Variants in MGAM2 observed in about 807,000 individuals in gnomAD.
MGAM2 encodes probable maltase-glucoamylase 2.
A neutral mutation model predicts 96.1 loss-of-function variants in MGAM2; 98 were observed. The ratio of observed to expected loss-of-function variants is 1.02; its 90% CI spans 0.87 to 1.21. The LOEUF (loss-of-function observed/expected upper bound fraction) is 1.21. Among genes scored for constraint, MGAM2 ranks in the 50% most tolerant of loss-of-function variants. The probability of loss-of-function intolerance (pLI) is 0.00; values close to 1 mark genes in which losing one functional copy is unlikely to be tolerated. For synonymous variants in MGAM2, 749 were observed against 414.8 expected (o/e 1.81, Z -9.79); for missense variants, 2,055 against 1,182.4 (o/e 1.74, Z -10.82).
intron 1 of MGAM2, among the ~76,000 whole-genome samples, chr7:142,115,200 G>A (rs764233183): frequency 4.6e-5 from 7 of 152,116 alleles, no homozygotes; most frequent in African/African-American, 7.2e-5. Context: ...GTGACACTCC[G>A]TCTGCAAAAA....
At chr7:142,201,071 C>CTTTTTTTCTTTTTTTTTT (rs1797209807) in intron 45 of MGAM2, among the ~76,000 whole-genome samples, 1 of 84,382 alleles carries the variant, frequency 1.2e-5, no homozygotes, top group African/African-American at 5.3e-5. Flanking sequence ...CATCCTTTTT[C>CTTTTTTTCTTTTTTTTTT]TTTTTTTTTT....
intron 14 of MGAM2, among the ~76,000 whole-genome samples, chr7:142,145,297 A>G (rs1795351428): frequency 6.6e-6 from 1 of 152,172 alleles, no homozygotes; most frequent in Non-Finnish European, 1.5e-5. Flanking sequence ...AGACTACCTT[A>G]AACTGAAGTA....
Position 142,179,840 on chromosome 7 carries a change from G to A in MGAM2, c.3817-3426G>A, listed in dbSNP as rs139851800. Among the ~76,000 whole-genome samples, 9 of 152,100 alleles carry A rather than the reference G, an allele frequency of 5.9e-5. No individual in the cohort carries two copies. The East Asian group carries it at 1.7e-3, about 29-fold the overall frequency. ...GAAGTTTTCTTTCTTTATTGTCTCT[G>A]CCAGATATTGATATCAGGATGATGT... On this transcript the variant is annotated intron_variant, in intron 32 of 47. Coordinates refer to ENST00000477922, the MANE Select transcript of MGAM2 (RefSeq NM_001293626.2).
At chr7:142,219,150 A>G (rs1422207042) in intron 47 of MGAM2, among the ~76,000 whole-genome samples, 1 of 152,226 alleles carries the variant, frequency 6.6e-6, no homozygotes, top group African/African-American at 2.4e-5. Context: ...ACCACAAAGA[A>G]AAAAGTATCT....
intron 45 of MGAM2, among the ~76,000 whole-genome samples, chr7:142,201,812 T>C (rs948612486): frequency 6.6e-6 from 1 of 152,192 alleles, no homozygotes; most frequent in African/African-American, 2.4e-5. Flanking sequence ...AGGATGTGTA[T>C]AGGTTATATG....
intron 6 of MGAM2, among the ~76,000 whole-genome samples, chr7:142,132,559 T>G (rs1188549254): frequency 7.6e-6 from 1 of 131,492 alleles, no homozygotes; most frequent in African/African-American, 2.9e-5. Context: ...TAATTATACA[T>G]TCCATATACT....
chr7:142,157,027 G>A (rs1795755071), intron 17 of MGAM2, among the ~76,000 whole-genome samples: 1 of 152,120 alleles, frequency 6.6e-6, no homozygotes, highest in African/African-American at 2.4e-5. Flanking sequence ...CACAATGTAT[G>A]TCAAAGAACA....
chr7:142,220,666 C>G lies in MGAM2; in HGVS notation c.6155C>G (p.Thr2052Ser), dbSNP rs1343597195. The part of the protein sequence containing the change: ...TAPFPTSTTS[T>S]STSATVPITT... Reference sequence around the variant, plus strand: ...CCTTTCCCTACAAGTACTACTAGTACTAGCACTAGTGCTACTGTTCCTATT... The same window carrying G: ...CCTTTCCCTACAAGTACTACTAGTAGTAGCACTAGTGCTACTGTTCCTATT... The change falls in exon 48 of 48, where the codon ACT becomes AGT. Residue 2052 changes from threonine (T) to serine (S), a missense_variant. Coordinates refer to ENST00000477922, the MANE Select transcript of MGAM2 (RefSeq NM_001293626.2). 1 of 702,350 alleles carries G rather than the reference C, an allele frequency of 1.4e-6. No homozygotes were observed. The highest frequency in any genetic ancestry group is 2.0e-5 in the Admixed American group (1 of 49,904). 43.5% of individuals were successfully genotyped at this position (702,350 alleles called of 1,614,324 possible). A position where few individuals can be genotyped will look rare whatever the true frequency, so the allele number is the denominator to read the frequency against.
At chr7:142,193,743 C>T (rs1796942921) in intron 37 of MGAM2, among the ~76,000 whole-genome samples, 2 of 152,158 alleles carry the variant, frequency 1.3e-5, no homozygotes, top group Admixed American at 1.3e-4. Context: ...CCAGTCTTTC[C>T]AAGCCTATGC....
At chr7:142,129,573 C>T (rs927884013) in intron 3 of MGAM2, among the ~76,000 whole-genome samples, 7 of 151,382 alleles carry the variant, frequency 4.6e-5, no homozygotes, top group Admixed American at 3.9e-4. Flanking sequence ...GCCTGTAATC[C>T]CAGCACTTTG....
intron 46 of MGAM2, among the ~76,000 whole-genome samples, chr7:142,213,219 G>T (rs1797646588): frequency 6.6e-6 from 1 of 152,150 alleles, no homozygotes; most frequent in African/African-American, 2.4e-5. Flanking sequence ...GGAGAAAACA[G>T]GAAGGATCTA....
intron 37 of MGAM2, among the ~76,000 whole-genome samples, chr7:142,192,382 G>T (rs1221494401): frequency 6.6e-6 from 1 of 152,046 alleles, no homozygotes; most frequent in Non-Finnish European, 1.5e-5. Flanking sequence ...AAACAAATAG[G>T]TGTTTTGCAA....
At chr7:142,130,585 A>G (rs1794855541) in intron 3 of MGAM2, among the ~76,000 whole-genome samples, 1 of 152,140 alleles carries the variant, frequency 6.6e-6, no homozygotes, top group Non-Finnish European at 1.5e-5. Flanking sequence ...CTCCACGCCT[A>G]CTAGGCTGGG....
chr7:142,180,690 C>T (rs1234445156), intron 32 of MGAM2, among the ~76,000 whole-genome samples: 1 of 152,068 alleles, frequency 6.6e-6, no homozygotes, highest in East Asian at 1.9e-4. Context: ...ATAGATTTGG[C>T]CTCTTTACAT....
rs148108286 is a variant in MGAM2, at chr7:142,218,597, T to C, written c.5358+66T>C. 40 of 544,612 alleles carry C rather than the reference T, an allele frequency of 7.3e-5. 1 individual carries two copies. The highest frequency in any genetic ancestry group is 5.0e-4 in the African/African-American group (26 of 52,468). The allele number at this position is 544,612 out of a possible 1,614,324, so 33.7% of individuals were successfully genotyped here. On this transcript the variant is annotated intron_variant, in intron 47 of 47. Coordinates refer to ENST00000477922, the MANE Select transcript of MGAM2 (RefSeq NM_001293626.2). The stretch of plus-strand genomic sequence containing the variant: ...TATCATTCTGCAAAATTATCACCAA[T>C]AATTTTGCTAACAATTAAAATTATC...
chr7:142,197,805 C>G, intron 42 of MGAM2, 77 bp downstream of exon 42: 2 of 699,158 alleles, frequency 2.9e-6, no homozygotes, highest in Admixed American at 2.0e-5. Flanking sequence ...TAAAGATCAT[C>G]TTATTTTGTC....
chr7:142,146,805 G>C (rs1222813279), intron 14 of MGAM2, among the ~76,000 whole-genome samples: 1 of 150,430 alleles, frequency 6.6e-6, no homozygotes, highest in East Asian at 2.0e-4. Flanking sequence ...TCGGCTCATT[G>C]CCACCTCCGC....
intron 31 of MGAM2, among the ~76,000 whole-genome samples, chr7:142,174,515 G>C (rs764712352): frequency 1.3e-5 from 2 of 151,926 alleles, no homozygotes; most frequent in Non-Finnish European, 2.9e-5. Flanking sequence ...TTTGTACATT[G>C]ATTTTGTATC....
chr7:142,218,510 CAAGA>C lies in MGAM2; in HGVS notation c.5338_5341del (p.Lys1780ValfsTer8). 1.4e-6 allele frequency: 1 copy of C among 699,740 alleles called. No individual in the cohort carries two copies. Among genetic ancestry groups the C allele is most frequent in the Non-Finnish European group, 2.6e-6 (1 of 383,720 alleles). The allele number at this position is 699,740 out of a possible 1,614,324, so 43.3% of individuals were successfully genotyped here. ...ACCGGCAATTTATGGAGACAAATTTCAAGAGTGAACCTTATAATCAGGTAGGTCT... is the reference window on the plus strand; with the variant it reads ...ACCGGCAATTTATGGAGACAAATTTCGTGAACCTTATAATCAGGTAGGTCT... On this transcript the variant is annotated frameshift_variant, in exon 47 of 48. Coordinates refer to ENST00000477922, the MANE Select transcript of MGAM2 (RefSeq NM_001293626.2). LOFTEE classifies it low-confidence loss of function (END_TRUNC).
Sources: gnomAD v4.1 joint callset for allele counts (sites outside exome capture counted in the v4.1 genomes callset) on GRCh38, gnomAD v4.1.1 for gene constraint, MANE v1.5 for transcripts, NCBI Gene and HGNC (gene_info 2026-07-23, HGNC 2026-07-21) for gene names.